Variants in MVB12B observed in about 807,000 individuals in gnomAD.
The protein encoded by MVB12B is multivesicular body subunit 12B.
MVB12B carries 16 observed loss-of-function variants against 41.6 expected under a neutral mutation model. That is an observed-to-expected ratio of 0.38 (90% CI 0.26 to 0.58). The LOEUF (loss-of-function observed/expected upper bound fraction) is 0.58, where lower values mean the gene tolerates loss of function less well. MVB12B is among the 20% of genes least tolerant of loss of function. The probability of loss-of-function intolerance (pLI) is 0.62; values close to 1 mark genes in which losing one functional copy is unlikely to be tolerated. For missense variants in MVB12B, 274 were observed against 380.2 expected (o/e 0.72, Z 2.32); for synonymous variants, 133 against 139.7 (o/e 0.95, Z 0.34).
At chr9:126,432,059 C>T (rs1195315302) in intron 7 of MVB12B, among the ~76,000 whole-genome samples, 1 of 152,214 alleles carries the variant, frequency 6.6e-6, no homozygotes, top group Non-Finnish European at 1.5e-5. Flanking sequence ...TGTGCATTTA[C>T]TGCCCCTGGA....
chr9:126,423,557 C>T (rs989412623), intron 7 of MVB12B, among the ~76,000 whole-genome samples: 3 of 152,230 alleles, frequency 2.0e-5, no homozygotes, highest in African/African-American at 7.2e-5. Context: ...ATCTTCCAAA[C>T]AGAGGTAGTT....
chr9:126,376,643 C>T lies in MVB12B; in HGVS notation c.205-4421C>T. 7.8e-7 allele frequency: 1 copy of T among 1,288,970 alleles called. No homozygotes were observed. Among genetic ancestry groups the T allele is most frequent in the Non-Finnish European group, 1.0e-6 (1 of 988,618 alleles). 79.8% of individuals were successfully genotyped at this position (1,288,970 alleles called of 1,614,324 possible). A position where few individuals can be genotyped will look rare whatever the true frequency, so the allele number is the denominator to read the frequency against. On this transcript the variant is annotated intron_variant, in intron 2 of 9. Coordinates refer to ENST00000361171, the MANE Select transcript of MVB12B (RefSeq NM_033446.3). This position sits in a 1 kb window ranked among gnomAD's most constrained non-coding sequence, Gnocchi z 4.1. ...CAAGAAGGAGGGTAAGCGCGGGTGG[C>T]AGGGAGGGGCCTGCCATTGCCATTC...
intron 7 of MVB12B, among the ~76,000 whole-genome samples, chr9:126,434,301 C>T (rs1253267964): frequency 6.6e-6 from 1 of 152,112 alleles, no homozygotes; most frequent in African/African-American, 2.4e-5. Flanking sequence ...ATATTTATCA[C>T]CTATCCCAGA....
rs1833502476 is a variant in MVB12B, at chr9:126,480,431, C to T, written c.758-938C>T. Among the ~76,000 whole-genome samples, 1 of 152,158 alleles carries T rather than the reference C, an allele frequency of 6.6e-6. No homozygotes were observed. Among genetic ancestry groups the T allele is most frequent in the East Asian group, 1.9e-4 (1 of 5,188 alleles). ...CCAGTCCTGGTGTGGCACCAGAGTCCTCCTCTCTGAGGTTATAATTCATAG... is the reference window on the plus strand; with the variant it reads ...CCAGTCCTGGTGTGGCACCAGAGTCTTCCTCTCTGAGGTTATAATTCATAG... On this transcript the variant is annotated intron_variant, in intron 7 of 9. Transcript: ENST00000361171. The surrounding 1 kb of genome is among the most constrained non-coding windows in gnomAD (Gnocchi z 4.9).
At chr9:126,347,355 C>G (rs893081683) in intron 2 of MVB12B, among the ~76,000 whole-genome samples, 1 of 152,310 alleles carries the variant, frequency 6.6e-6, no homozygotes, top group East Asian at 1.9e-4. Context: ...TTTTGCTGCT[C>G]CTGCCTCCCC....
chr9:126,435,199 T>C (rs1832437324), intron 7 of MVB12B, among the ~76,000 whole-genome samples: 1 of 152,154 alleles, frequency 6.6e-6, no homozygotes, highest in Admixed American at 6.5e-5. Flanking sequence ...GGAGCTGCTA[T>C]AACTGCCGTA....
At chr9:126,422,049 CCT>C in intron 7 of MVB12B, 101 bp downstream of exon 7, 1 of 844,688 alleles carries the variant, frequency 1.2e-6, no homozygotes, top group Admixed American at 1.9e-5. Flanking sequence ...GTCTGCCTTA[CCT>C]CTCTTTTCTT....
intron 2 of MVB12B, among the ~76,000 whole-genome samples, chr9:126,362,984 C>T (rs879630906): frequency 3.3e-5 from 5 of 152,056 alleles, no homozygotes; most frequent in African/African-American, 7.2e-5. Flanking sequence ...GTCAGGAGTT[C>T]GAGACCAGCC....
chr9:126,339,467 T>C (rs369593859), intron 1 of MVB12B, among the ~76,000 whole-genome samples: 14 of 152,362 alleles, frequency 9.2e-5, no homozygotes, highest in African/African-American at 3.4e-4. Flanking sequence ...GTGTTGCCTC[T>C]TTTATTTGCT....
At chr9:126,481,799 T>G (rs537006761) in intron 8 of MVB12B, among the ~76,000 whole-genome samples, 1 of 152,354 alleles carries the variant, frequency 6.6e-6, no homozygotes, top group South Asian at 2.1e-4. Flanking sequence ...GCTTCCCTGG[T>G]TGTGAATGTT....
intron 2 of MVB12B, among the ~76,000 whole-genome samples, chr9:126,343,621 A>G (rs1355233037): frequency 6.6e-6 from 1 of 152,224 alleles, no homozygotes; most frequent in Non-Finnish European, 1.5e-5. Context: ...TGCCTTTCTA[A>G]ATAAATGCTT....
At chr9:126,398,224 C>G (rs189017314) in intron 6 of MVB12B, among the ~76,000 whole-genome samples, 6 of 151,690 alleles carry the variant, frequency 4.0e-5, no homozygotes, top group African/African-American at 1.2e-4. Flanking sequence ...CGGGGCATCT[C>G]GAGCCCGTGT....
At chr9:126,334,897 T>C (rs985374068) in intron 1 of MVB12B, among the ~76,000 whole-genome samples, 2 of 152,238 alleles carry the variant, frequency 1.3e-5, no homozygotes, top group African/African-American at 4.8e-5. Flanking sequence ...AAGTGAATCC[T>C]GGAACCTACC....
chr9:126,333,530 G>A lies in MVB12B; in HGVS notation c.81+6520G>A, dbSNP rs749721125. Among the ~76,000 whole-genome samples the A allele has an allele frequency of 6.6e-6, 1 of 151,936 alleles. No individual in the cohort carries two copies. ...AGCGATTCTTGTGCCTCACCCTCTCGAGTAGCTGGGATTACAGGCACCACC... is the reference window on the plus strand; with the variant it reads ...AGCGATTCTTGTGCCTCACCCTCTCAAGTAGCTGGGATTACAGGCACCACC... On this transcript the variant is annotated intron_variant, in intron 1 of 9. Coordinates refer to ENST00000361171, the MANE Select transcript of MVB12B (RefSeq NM_033446.3). The surrounding 1 kb of genome is among the most constrained non-coding windows in gnomAD (Gnocchi z 4.7).
intron 2 of MVB12B, among the ~76,000 whole-genome samples, chr9:126,356,524 G>A (rs1198329660): frequency 6.6e-6 from 1 of 152,116 alleles, no homozygotes; most frequent in Non-Finnish European, 1.5e-5. Context: ...GTATGTAAAT[G>A]TCTGGGACAC....
chr9:126,500,410 T>G (rs1833929881), intron 9 of MVB12B, among the ~76,000 whole-genome samples: 1 of 147,838 alleles, frequency 6.8e-6, no homozygotes, highest in Non-Finnish European at 1.5e-5. Flanking sequence ...CTTCCCCAGC[T>G]CCTTTCTGCA....
In MVB12B at chr9:126,459,926, G is replaced by A. The variant is rs1833054819; in HGVS notation, c.758-21443G>A. 1.3e-5 allele frequency among the ~76,000 whole-genome samples: 2 copies of A among 152,162 alleles called. No homozygotes were observed. Among genetic ancestry groups the A allele is most frequent in the African/African-American group, 2.4e-5 (1 of 41,414 alleles). On this transcript the variant is annotated intron_variant, in intron 7 of 9. Coordinates refer to ENST00000361171, the MANE Select transcript of MVB12B (RefSeq NM_033446.3). The surrounding 1 kb of genome is among the most constrained non-coding windows in gnomAD (Gnocchi z 4.3). ...TTTCATGAGTGGAGCCGCTCTTGTT[G>A]GGAAGCAGCTTCCCCTGCGATTTGG...
intron 7 of MVB12B, among the ~76,000 whole-genome samples, chr9:126,423,516 C>A (rs1832083604): frequency 1.3e-5 from 2 of 152,232 alleles, no homozygotes; most frequent in African/African-American, 2.4e-5. Context: ...CTTCCTGTTA[C>A]ATTTATGTAA....
Position 126,459,805 on chromosome 9 carries a change from G to A in MVB12B, c.758-21564G>A, listed in dbSNP as rs1010420877. Among the ~76,000 whole-genome samples the A allele has an allele frequency of 6.6e-6, 1 of 152,108 alleles. No individual in the cohort carries two copies. Among genetic ancestry groups the A allele is most frequent in the African/African-American group, 2.4e-5 (1 of 41,426 alleles). ...CTTGGACCTGCCACTCTCCCACAGG[G>A]GCCGCTTGTCTCACAGTCAGAATCG... On this transcript the variant is annotated intron_variant, in intron 7 of 9. Transcript: ENST00000361171. The surrounding 1 kb of genome is among the most constrained non-coding windows in gnomAD (Gnocchi z 4.3).
Sources: gnomAD v4.1 joint callset for allele counts (sites outside exome capture counted in the v4.1 genomes callset) on GRCh38, gnomAD v4.1.1 for gene constraint, Gnocchi (gnomAD v3.1) non-coding constraint, MANE v1.5 for transcripts, NCBI Gene and HGNC (gene_info 2026-07-23, HGNC 2026-07-21) for gene names.